AK8: variants seen among roughly 807,000 people sequenced by gnomAD.
The protein encoded by AK8 is adenylate kinase 8.
Under a neutral mutation model 54.6 loss-of-function variants are expected in AK8, and 44 were observed. That is an observed-to-expected ratio of 0.81 (90% confidence interval 0.63 to 1.04). The LOEUF is 1.04. Ranked by LOEUF, AK8 falls within the 50% of genes least tolerant of loss-of-function variation. The pLI is 0.00. For missense variants in AK8, 555 were observed against 613.6 expected (o/e 0.90, Z 1.01); for synonymous variants, 239 against 245.6 (o/e 0.97, Z 0.25).
chr9:132,757,483 T>C (rs1838247635), intron 11 of AK8, among the ~76,000 whole-genome samples: 2 of 152,354 alleles, frequency 1.3e-5, no homozygotes, highest in South Asian at 4.1e-4. Flanking sequence ...CCATCCTGTA[T>C]GGGAAATACA....
intron 11 of AK8, among the ~76,000 whole-genome samples, chr9:132,730,504 A>G (rs1056446294): frequency 4.6e-5 from 7 of 151,430 alleles, no homozygotes; most frequent in Non-Finnish European, 8.8e-5. Context: ...AGTGATCTAA[A>G]ACCCTAGGGT....
chr9:132,740,716 C>A (rs1247348949), intron 11 of AK8, among the ~76,000 whole-genome samples: 1 of 152,144 alleles, frequency 6.6e-6, no homozygotes, highest in Non-Finnish European at 1.5e-5. Flanking sequence ...TGAGCACCCC[C>A]CCGCCCCACT....
chr9:132,823,057 A>G, intron 9 of AK8, 148 bp downstream of exon 9: 1 of 1,155,746 alleles, frequency 8.7e-7, no homozygotes, highest in Non-Finnish European at 1.1e-6. Flanking sequence ...GACTAACAGA[A>G]AATGGTTAAG....
intron 11 of AK8, among the ~76,000 whole-genome samples, chr9:132,733,370 C>G (rs1435430241): frequency 6.6e-6 from 1 of 152,208 alleles, no homozygotes; most frequent in Non-Finnish European, 1.5e-5. Flanking sequence ...ACACGGCTGT[C>G]ACGGCGGCTG....
At chr9:132,877,276 A>T (rs1844158524) in intron 1 of AK8, among the ~76,000 whole-genome samples, 1 of 152,130 alleles carries the variant, frequency 6.6e-6, no homozygotes, top group South Asian at 2.1e-4. Flanking sequence ...ACACTTTCCG[A>T]GGGAAATGTG....
chr9:132,851,754 G>A (rs77418982), intron 5 of AK8, among the ~76,000 whole-genome samples: 3,488 of 152,308 alleles, frequency 0.023, 132 homozygotes, highest in African/African-American at 0.08. Flanking sequence ...AAGCCTGGCT[G>A]GAACATGCAA....
At chr9:132,793,310 C>T (rs930259619) in intron 10 of AK8, among the ~76,000 whole-genome samples, 42 of 152,292 alleles carry the variant, frequency 2.8e-4, no homozygotes, top group Middle Eastern at 3.4e-3. Flanking sequence ...CCCAAAGGTC[C>T]CATCTAACAC....
intron 11 of AK8, among the ~76,000 whole-genome samples, chr9:132,763,745 C>A (rs1297367495): frequency 6.6e-6 from 1 of 152,230 alleles, no homozygotes; most frequent in Non-Finnish European, 1.5e-5. Flanking sequence ...TGAGCCTGTT[C>A]TGGTTTGGGG....
intron 11 of AK8, among the ~76,000 whole-genome samples, chr9:132,741,396 G>C (rs1307361395): frequency 1.3e-5 from 2 of 152,180 alleles, no homozygotes; most frequent in East Asian, 3.8e-4. Flanking sequence ...CAAGCACTTA[G>C]CTTGACAGTG....
intron 5 of AK8, among the ~76,000 whole-genome samples, chr9:132,847,739 G>A (rs1487802871): frequency 6.6e-6 from 1 of 152,062 alleles, no homozygotes; most frequent in East Asian, 1.9e-4. Flanking sequence ...CCAGCACTTC[G>A]GGAGGCCAAG....
At chr9:132,774,920 A>C (rs1014415210) in intron 11 of AK8, among the ~76,000 whole-genome samples, 6 of 152,218 alleles carry the variant, frequency 3.9e-5, no homozygotes, top group Non-Finnish European at 8.8e-5. Context: ...AAGAGCTTGG[A>C]ATCCACAGGA....
intron 5 of AK8, among the ~76,000 whole-genome samples, chr9:132,845,124 C>G (rs1305368488): frequency 6.6e-6 from 1 of 152,218 alleles, no homozygotes; most frequent in Non-Finnish European, 1.5e-5. Context: ...AATGTAATTA[C>G]AGCCTCTTGC....
rs759996983 is a variant in AK8, at chr9:132,725,808, T to A, written c.1320A>T (p.Ser440=). ...ACCCATACAACTGCTCCAAGTCAGC[T>A]GAGTTCCTGTAGAACAGGTCCATTT... The part of the protein sequence containing the change: ...KLKMDLFYRN[S]ADLEQLYGSA... Residue 440 remains serine (S), a synonymous_variant, in exon 13 of 13, where the codon TCA becomes TCT. Transcript: ENST00000298545. 6.2e-7 allele frequency: 1 copy of A among 1,606,626 alleles called. No individual in the cohort carries two copies. Among genetic ancestry groups the A allele is most frequent in the Admixed American group, 1.7e-5 (1 of 58,778 alleles).
intron 11 of AK8, among the ~76,000 whole-genome samples, chr9:132,780,669 C>T (rs7039051): frequency 0.024 from 3,718 of 152,256 alleles, 148 homozygotes; most frequent in African/African-American, 0.085. Context: ...TTCCAGTTTG[C>T]ACAAAATGAC....
intron 5 of AK8, among the ~76,000 whole-genome samples, chr9:132,848,786 G>T (rs1214698529): frequency 6.6e-6 from 1 of 152,178 alleles, no homozygotes; most frequent in African/African-American, 2.4e-5. Flanking sequence ...GCCTGCAGGG[G>T]GCACTCAACT....
At chr9:132,749,870 G>A (rs182479746) in intron 11 of AK8, among the ~76,000 whole-genome samples, 1 of 151,096 alleles carries the variant, frequency 6.6e-6, no homozygotes, top group Non-Finnish European at 1.5e-5. Context: ...AGACGCTGCT[G>A]CAGGAGGCCA....
chr9:132,816,782 C>T (rs1192120282), intron 9 of AK8, among the ~76,000 whole-genome samples: 1 of 152,214 alleles, frequency 6.6e-6, no homozygotes, highest in Non-Finnish European at 1.5e-5. Flanking sequence ...TGGATTTCTA[C>T]CTATGGGCAC....
chr9:132,802,302 A>C (rs1840496800), intron 10 of AK8, among the ~76,000 whole-genome samples: 3 of 151,186 alleles, frequency 2.0e-5, no homozygotes, highest in African/African-American at 7.3e-5. Flanking sequence ...CTTCTTTGCT[A>C]CTCCTCCCAG....
chr9:132,746,713 A>G (rs183674377), intron 11 of AK8, among the ~76,000 whole-genome samples: 8 of 152,204 alleles, frequency 5.3e-5, no homozygotes, highest in Non-Finnish European at 1.0e-4. Flanking sequence ...AGTGAGGTCT[A>G]CAAGAATGCC....
Sources: allele counts gnomAD v4.1 joint callset (sites outside exome capture counted in the v4.1 genomes callset), GRCh38; gene constraint gnomAD v4.1.1; transcripts MANE v1.5; gene names NCBI Gene and HGNC (gene_info 2026-07-23, HGNC 2026-07-21).